Variants in PTPN3 observed in about 807,000 individuals in gnomAD.
PTPN3 encodes protein tyrosine phosphatase non-receptor type 3.
PTPN3 carries 96 observed loss-of-function variants against 132.7 expected under a neutral mutation model. That is an observed-to-expected ratio of 0.72 (90% CI 0.61 to 0.86). The LOEUF is 0.86. PTPN3 is among the 40% of genes least tolerant of loss of function. The probability of loss-of-function intolerance (pLI) is 0.00; values close to 1 mark genes in which losing one functional copy is unlikely to be tolerated. For missense variants in PTPN3, 1,125 were observed against 1,159.6 expected (o/e 0.97, Z 0.43); for synonymous variants, 398 against 429.0 (o/e 0.93, Z 0.89).
intron 5 of PTPN3, chr9:109,451,045 TTTTTAA>T: frequency 2.3e-6 from 2 of 868,950 alleles, no homozygotes; most frequent in Non-Finnish European, 2.6e-6. Context: ...ATTTTTTTAA[TTTTTAA>T]TTTTTTTAAA....
intron 19 of PTPN3, among the ~76,000 whole-genome samples, chr9:109,393,293 T>C (rs1457059307): frequency 1.3e-5 from 2 of 152,162 alleles, no homozygotes; most frequent in Non-Finnish European, 2.9e-5. Flanking sequence ...TTTATCTTAC[T>C]TTTTCATTAG....
At chr9:109,413,503 CCT>C (rs909693458) in intron 14 of PTPN3, among the ~76,000 whole-genome samples, 8 of 152,176 alleles carry the variant, frequency 5.3e-5, no homozygotes, top group Admixed American at 6.5e-5. Flanking sequence ...CCTAGTGCCT[CCT>C]CTGTCGCTGG....
At chr9:109,438,949 GACCT>G (rs1564442973) in intron 7 of PTPN3, among the ~76,000 whole-genome samples, 4 of 152,230 alleles carry the variant, frequency 2.6e-5, no homozygotes, top group Non-Finnish European at 5.9e-5. Context: ...TCACATTAGG[GACCT>G]GCAGGTGCAG....
chr9:109,423,745 G>C (rs367845457), intron 12 of PTPN3, among the ~76,000 whole-genome samples: 26 of 152,326 alleles, frequency 1.7e-4, no homozygotes, highest in African/African-American at 5.5e-4. Context: ...TTATTTGAGA[G>C]AATAGAGCAT....
chr9:109,392,410 T>A (rs867736030), intron 19 of PTPN3, among the ~76,000 whole-genome samples: 1 of 151,950 alleles, frequency 6.6e-6, no homozygotes, highest in Admixed American at 6.6e-5. Flanking sequence ...ATTTGGGAAA[T>A]TCAGACTAAT....
intron 14 of PTPN3, among the ~76,000 whole-genome samples, chr9:109,410,917 G>A (rs1842028728): frequency 6.6e-6 from 1 of 152,186 alleles, no homozygotes; most frequent in Admixed American, 6.5e-5. Flanking sequence ...TAGTTGGCAT[G>A]ATTTGCCTGT....
the PTPN3 span, among the ~76,000 whole-genome samples, chr9:109,536,810 G>GATGAACTTAT: frequency 6.6e-6 from 1 of 152,190 alleles, no homozygotes. Flanking sequence ...CCTTGCCTTT[G>GATGAACTTAT]ATGAACTTAT....
the PTPN3 span, among the ~76,000 whole-genome samples, chr9:109,530,786 T>C: frequency 6.6e-6 from 1 of 152,214 alleles, no homozygotes; most frequent in African/African-American, 2.4e-5. Flanking sequence ...GATATCTCAT[T>C]GTGGTTTTGA....
intron 2 of PTPN3, among the ~76,000 whole-genome samples, chr9:109,461,827 CTCCCCT>C (rs1238458767): frequency 2.0e-5 from 3 of 152,028 alleles, no homozygotes; most frequent in African/African-American, 7.3e-5. Context: ...GGCTGGGGGG[CTCCCCT>C]ATGGGTTAGT....
chr9:109,414,098 G>A lies in PTPN3; in HGVS notation c.1314-3683C>T, dbSNP rs529765338. Reference sequence around the variant, plus strand: ...ACAGGGAGTACTCAACTGAAATGCTGAGTGAATGAAGAATAAAGCCTCTTG... The same window carrying A: ...ACAGGGAGTACTCAACTGAAATGCTAAGTGAATGAAGAATAAAGCCTCTTG... On this transcript the variant is annotated intron_variant, in intron 14 of 25. Coordinates refer to ENST00000374541, the MANE Select transcript of PTPN3 (RefSeq NM_002829.4). 2.2e-4 allele frequency among the ~76,000 whole-genome samples: 33 copies of A among 152,292 alleles called. No homozygotes were observed. In the South Asian group the frequency reaches 6.4e-3, roughly 30 times the overall value.
chr9:109,405,872 C>T (rs1841519781), intron 18 of PTPN3, among the ~76,000 whole-genome samples: 1 of 152,168 alleles, frequency 6.6e-6, no homozygotes, highest in African/African-American at 2.4e-5. Context: ...AGGTGTGAGC[C>T]ACTGTGCCTG....
chr9:109,431,437 C>T (rs1368288168), intron 10 of PTPN3, among the ~76,000 whole-genome samples: 2 of 152,188 alleles, frequency 1.3e-5, no homozygotes, highest in Non-Finnish European at 1.5e-5. Context: ...AAAAATGAGC[C>T]GTATGCCCAT....
intron 19 of PTPN3, chr9:109,397,813 G>T (rs1840722595): frequency 6.6e-6 from 1 of 152,112 alleles, no homozygotes; most frequent in South Asian, 2.1e-4. Flanking sequence ...CTTCCTTTAG[G>T]TGGGTCGCTG....
intron 22 of PTPN3, 109 bp downstream of exon 22, chr9:109,389,124 T>C: frequency 7.1e-7 from 1 of 1,408,362 alleles, no homozygotes; most frequent in Admixed American, 2.2e-5. Context: ...TAGGGTCACA[T>C]ACGGGCTGGA....
At chr9:109,537,801 A>T in the PTPN3 span, among the ~76,000 whole-genome samples, 628 of 152,322 alleles carry the variant, frequency 4.1e-3, 7 homozygotes, top group African/African-American at 0.014. Context: ...ATACTGCCCA[A>T]ACTTCAAAAT....
At chr9:109,383,583 C>T (rs368976252) in intron 22 of PTPN3, 32 bp from the exon 23 acceptor site, 893 of 1,608,746 alleles carry the variant, frequency 5.6e-4, no homozygotes, top group Non-Finnish European at 6.8e-4. Context: ...GAGTGAGCCC[C>T]GTCTGTGGGG....
chr9:109,446,398 C>T (rs1305150750), intron 6 of PTPN3, among the ~76,000 whole-genome samples: 2 of 152,128 alleles, frequency 1.3e-5, no homozygotes, highest in African/African-American at 2.4e-5. Context: ...CATATGAAGT[C>T]GACTTTCCCT....
the PTPN3 span, among the ~76,000 whole-genome samples, chr9:109,534,656 C>T: frequency 5.5e-5 from 5 of 91,614 alleles, no homozygotes; most frequent in South Asian, 1.9e-3. Context: ...AAAAAAAATA[C>T]CTGGGCGTGG....
intron 1 of PTPN3, among the ~76,000 whole-genome samples, chr9:109,466,689 T>C (rs904433314): frequency 2.0e-5 from 3 of 152,198 alleles, no homozygotes; most frequent in Non-Finnish European, 4.4e-5. Flanking sequence ...CAGGGTCCAT[T>C]CTGGCAGACG....
Sources: allele counts gnomAD v4.1 joint callset (sites outside exome capture counted in the v4.1 genomes callset), GRCh38; gene constraint gnomAD v4.1.1; transcripts MANE v1.5; gene names NCBI Gene and HGNC (gene_info 2026-07-23, HGNC 2026-07-21).